ASTN2: variants seen among roughly 807,000 people sequenced by gnomAD.
ASTN2 encodes astrotactin 2, also known as astrotactin-2.
Under a neutral mutation model 139.8 loss-of-function variants are expected in ASTN2, and 54 were observed. That is an observed-to-expected ratio of 0.39 (90% confidence interval 0.31 to 0.48). The LOEUF (loss-of-function observed/expected upper bound fraction) is 0.48, where lower values mean the gene tolerates loss of function less well. ASTN2 is among the 20% of genes least tolerant of loss of function. ASTN2 has a pLI of 0.95. For missense variants in ASTN2, 1,565 were observed against 1,725.1 expected (o/e 0.91, Z 1.64); for synonymous variants, 756 against 719.5 (o/e 1.05, Z -0.81).
chr9:116,651,898 T>G, intron 16 of ASTN2, 105 bp from the exon 17 acceptor site: 1 of 1,384,748 alleles, frequency 7.2e-7, no homozygotes, highest in Non-Finnish European at 9.8e-7. Flanking sequence ...TGGTATCCAT[T>G]GAGGAAGTAA....
At chr9:116,639,177 T>C (rs1287414753) in intron 17 of ASTN2, among the ~76,000 whole-genome samples, 1 of 152,122 alleles carries the variant, frequency 6.6e-6, no homozygotes, top group Non-Finnish European at 1.5e-5. Context: ...TTAACAGTGC[T>C]CTCCCAAATG....
chr9:116,931,423 T>C (rs1354135615), intron 10 of ASTN2, among the ~76,000 whole-genome samples: 1 of 152,170 alleles, frequency 6.6e-6, no homozygotes, highest in East Asian at 1.9e-4. Context: ...GGCAGACCCC[T>C]AACTTGGGAG....
At chr9:117,327,499 G>A (rs962009250) in intron 1 of ASTN2, among the ~76,000 whole-genome samples, 2 of 152,162 alleles carry the variant, frequency 1.3e-5, no homozygotes, top group African/African-American at 4.8e-5. Context: ...GAGGCAGGCT[G>A]AAGAGGAGAG....
intron 11 of ASTN2, among the ~76,000 whole-genome samples, chr9:116,835,451 A>G (rs1300620475): frequency 2.0e-5 from 3 of 152,206 alleles, no homozygotes; most frequent in Non-Finnish European, 4.4e-5. Flanking sequence ...TTTTTCTTTC[A>G]GACCCTCCCA....
At chr9:117,053,854 C>G (rs1185534578) in intron 5 of ASTN2, among the ~76,000 whole-genome samples, 1 of 152,180 alleles carries the variant, frequency 6.6e-6, no homozygotes, top group Non-Finnish European at 1.5e-5. Flanking sequence ...CACCCATCTC[C>G]AGATCCTTAA....
chr9:117,408,792 CCT>C (rs1370112062), intron 1 of ASTN2, among the ~76,000 whole-genome samples: 1 of 152,154 alleles, frequency 6.6e-6, no homozygotes, highest in Non-Finnish European at 1.5e-5. Flanking sequence ...TGAGCTCTCC[CCT>C]CTCTCTGCCC....
At chr9:116,710,733 C>CAA (rs57745448) in intron 16 of ASTN2, among the ~76,000 whole-genome samples, 90 of 72,488 alleles carry the variant, frequency 1.2e-3, no homozygotes, top group Non-Finnish European at 1.6e-3. Flanking sequence ...AACTCCGTCT[C>CAA]AAAAAAAAAA....
chr9:116,821,185 G>C (rs114819719), intron 11 of ASTN2, among the ~76,000 whole-genome samples: 2,493 of 152,210 alleles, frequency 0.016, 27 homozygotes, highest in East Asian at 0.034. Flanking sequence ...ACATAGGGAG[G>C]CTGCCAGATA....
intron 5 of ASTN2, among the ~76,000 whole-genome samples, chr9:117,046,342 T>C (rs534410529): frequency 1.1e-3 from 168 of 152,226 alleles, no homozygotes; most frequent in Admixed American, 2.4e-3. Flanking sequence ...TCCAAAGTCT[T>C]CCATTTGATA....
intron 19 of ASTN2, among the ~76,000 whole-genome samples, chr9:116,594,658 C>T (rs1232279373): frequency 6.6e-6 from 1 of 152,096 alleles, no homozygotes; most frequent in African/African-American, 2.4e-5. Context: ...TTTATGGGCC[C>T]AGAACTCCTT....
chr9:116,706,747 C>T (rs1286537782), intron 16 of ASTN2, among the ~76,000 whole-genome samples: 3 of 145,686 alleles, frequency 2.1e-5, no homozygotes, highest in Non-Finnish European at 3.0e-5. Context: ...CTAACTGACT[C>T]TTGCTGGCTA....
chr9:117,312,602 C>A (rs1270637863), intron 1 of ASTN2, among the ~76,000 whole-genome samples: 1 of 152,154 alleles, frequency 6.6e-6, no homozygotes. Context: ...AGACAGAATG[C>A]AGACATGGTC....
chr9:117,207,805 A>G (rs1831986066), intron 3 of ASTN2, among the ~76,000 whole-genome samples: 1 of 152,184 alleles, frequency 6.6e-6, no homozygotes, highest in Admixed American at 6.5e-5. Context: ...TCTGAGAAAT[A>G]GCCCAGTGAG....
chr9:117,197,992 A>AT (rs11413861), intron 3 of ASTN2, among the ~76,000 whole-genome samples: 59,850 of 151,446 alleles, frequency 0.4, 13,536 homozygotes, highest in Middle Eastern at 0.55. Flanking sequence ...TGTTTTTAAG[A>AT]TTTTTTTTCT....
In ASTN2 at chr9:116,976,736, G is replaced by C; in HGVS notation, c.1641C>G (p.His547Gln). ...GTCCCCAGTCACTGCGCACACACAGGTGTCTGTGAACAGGGTCAGGGGCAT... is the reference window on the plus strand; with the variant it reads ...GTCCCCAGTCACTGCGCACACACAGCTGTCTGTGAACAGGGTCAGGGGCAT... The part of the protein sequence containing the change: ...EGYAPDPVHR[H>Q]LCVRSDWGQS... The change falls in exon 8 of 23, where the codon CAC (histidine) becomes CAG (glutamine). Residue 547 changes from histidine (H) to glutamine (Q), a missense_variant. Transcript: ENST00000313400. 1 of 1,613,916 alleles carries C rather than the reference G, an allele frequency of 6.2e-7. No individual in the cohort carries two copies. Among genetic ancestry groups the C allele is most frequent in the East Asian group, 2.2e-5 (1 of 44,874 alleles).
At chr9:116,590,951 G>A (rs1303743492) in intron 19 of ASTN2, among the ~76,000 whole-genome samples, 1 of 152,208 alleles carries the variant, frequency 6.6e-6, no homozygotes, top group Non-Finnish European at 1.5e-5. Context: ...CAAGTCTCCT[G>A]AGGGCTGTTC....
At chr9:116,910,845 A>C (rs1834290489) in intron 10 of ASTN2, among the ~76,000 whole-genome samples, 1 of 152,220 alleles carries the variant, frequency 6.6e-6, no homozygotes, top group Non-Finnish European at 1.5e-5. Flanking sequence ...GAAGGGATGA[A>C]ATAGTCATTC....
intron 10 of ASTN2, among the ~76,000 whole-genome samples, chr9:116,948,917 G>A (rs538322857): frequency 3.4e-5 from 5 of 145,418 alleles, no homozygotes; most frequent in African/African-American, 1.3e-4. Flanking sequence ...TCAGCCTCCC[G>A]AGTAGCTGGG....
At chr9:116,517,700 T>C (rs1850708275) in intron 19 of ASTN2, among the ~76,000 whole-genome samples, 1 of 152,210 alleles carries the variant, frequency 6.6e-6, no homozygotes, top group African/African-American at 2.4e-5. Flanking sequence ...CTGATTATTA[T>C]GCTAATCAAG....
Sources: gnomAD v4.1 joint callset for allele counts (sites outside exome capture counted in the v4.1 genomes callset) on GRCh38, gnomAD v4.1.1 for gene constraint, MANE v1.5 for transcripts, NCBI Gene and HGNC (gene_info 2026-07-23, HGNC 2026-07-21) for gene names.